ALKBH5: variants seen among roughly 807,000 people sequenced by gnomAD.
ALKBH5 encodes RNA demethylase ALKBH5.
Under a neutral mutation model 32.1 loss-of-function variants are expected in ALKBH5, and 2 were observed. The observed-to-expected ratio is 0.06, with a 90% confidence interval of 0.03 to 0.20. The LOEUF is 0.20. Ranked by LOEUF, ALKBH5 falls within the 10% of genes least tolerant of loss-of-function variation. The pLI is 1.00. For synonymous variants in ALKBH5, 300 were observed against 231.7 expected, an observed-to-expected ratio of 1.29 and a Z score of -2.68; for missense variants, 352 against 559.5, an observed-to-expected ratio of 0.63 and a Z score of 3.74.
At chr17:18,199,620 A>T (rs1440265864) in intron 2 of ALKBH5, among the ~76,000 whole-genome samples, 1 of 152,122 alleles carries the variant, frequency 6.6e-6, no homozygotes, top group Non-Finnish European at 1.5e-5. Context: ...TTGAGCAGGG[A>T]TTTCTGACTT....
intron 1 of ALKBH5, among the ~76,000 whole-genome samples, chr17:18,192,854 C>CTTTTTTTTTT (rs201150139): frequency 9.9e-4 from 114 of 115,568 alleles, no homozygotes; most frequent in Non-Finnish European, 1.2e-3. Flanking sequence ...CTGTCTTTTT[C>CTTTTTTTTTT]TTTTTTTTTT....
chr17:18,190,775 A>G lies in ALKBH5; in HGVS notation c.771-4180A>G, dbSNP rs543000787. Reference sequence around the variant, plus strand: ...GAAGACACAATTTCCACAAGGCCAGATGGAATAGCAAAGAGGCATGAGAGG... The same window carrying G: ...GAAGACACAATTTCCACAAGGCCAGGTGGAATAGCAAAGAGGCATGAGAGG... On this transcript the variant is annotated intron_variant, in intron 1 of 3. Coordinates refer to ENST00000399138, the MANE Select transcript of ALKBH5 (RefSeq NM_017758.4). Among the ~76,000 whole-genome samples the G allele has an allele frequency of 1.4e-4, 21 of 152,290 alleles. No individual in the cohort carries two copies. In the South Asian group the frequency reaches 4.4e-3, roughly 32 times the overall value.
intron 1 of ALKBH5, among the ~76,000 whole-genome samples, chr17:18,193,356 A>C (rs1333860911): frequency 6.6e-6 from 1 of 151,816 alleles, no homozygotes; most frequent in African/African-American, 2.4e-5. Context: ...GACCATCCTG[A>C]CCAACATAGT....
At chr17:18,193,590 G>A (rs1341660955) in intron 1 of ALKBH5, among the ~76,000 whole-genome samples, 1 of 151,962 alleles carries the variant, frequency 6.6e-6, no homozygotes, top group Non-Finnish European at 1.5e-5. Flanking sequence ...TCTATCCCCA[G>A]CATGAGCTCA....
At chr17:18,202,606 G>A (rs1280270030) in intron 2 of ALKBH5, among the ~76,000 whole-genome samples, 2 of 152,132 alleles carry the variant, frequency 1.3e-5, no homozygotes, top group Non-Finnish European at 2.9e-5. Flanking sequence ...TAAAGGTGGT[G>A]CCAGACGTTG....
intron 3 of ALKBH5, among the ~76,000 whole-genome samples, chr17:18,207,661 T>C (rs1257931656): frequency 3.8e-5 from 5 of 132,704 alleles, no homozygotes; most frequent in Admixed American, 2.9e-4. Context: ...AGAATCCGTC[T>C]CAAAAAAAAA....
At chr17:18,185,122 A>G in intron 1 of ALKBH5, 109 bp downstream of exon 1, 1 of 1,487,030 alleles carries the variant, frequency 6.7e-7, no homozygotes, top group Middle Eastern at 1.8e-4. Context: ...AGTTCTGACC[A>G]GTTCTTCTGT....
intron 2 of ALKBH5, among the ~76,000 whole-genome samples, chr17:18,196,846 A>AG (rs1160855623): frequency 6.6e-6 from 1 of 152,190 alleles, no homozygotes; most frequent in Non-Finnish European, 1.5e-5. Context: ...ATTCTTCTGC[A>AG]GGGGGGATTG....
At chr17:18,187,342 CAGATGGAGTT>C (rs1441044882) in intron 1 of ALKBH5, among the ~76,000 whole-genome samples, 1 of 152,016 alleles carries the variant, frequency 6.6e-6, no homozygotes, top group East Asian at 1.9e-4. Context: ...TGATGGGAGG[CAGATGGAGTT>C]CATTAGTAGA....
intron 2 of ALKBH5, among the ~76,000 whole-genome samples, chr17:18,201,028 G>A (rs537205062): frequency 6.6e-6 from 1 of 152,310 alleles, no homozygotes; most frequent in East Asian, 1.9e-4. Context: ...CGAGGAGTCA[G>A]GAGACCTTCC....
chr17:18,208,788 T>C lies in ALKBH5; in HGVS notation c.*392T>C. On this transcript the variant is annotated 3_prime_UTR_variant, in exon 4 of 4. Transcript: ENST00000399138. ...TTGCTTTCAGTGTAAATCTTCGCAG[T>C]GTTCTAAACAAAGTTCAGTCTTCTG... The C allele has an allele frequency of 3.0e-6, 1 of 332,144 alleles. No homozygotes were observed. The highest frequency in any genetic ancestry group is 5.8e-6 in the Non-Finnish European group (1 of 173,526). The allele number at this position is 332,144 out of a possible 1,614,324, so 20.6% of individuals were successfully genotyped here. A position where few individuals can be genotyped will look rare whatever the true frequency, so the allele number is the denominator to read the frequency against.
intron 1 of ALKBH5, among the ~76,000 whole-genome samples, chr17:18,191,949 T>TAAA (rs553466001): frequency 5.0e-5 from 7 of 140,772 alleles, no homozygotes; most frequent in African/African-American, 1.6e-4. Context: ...ACTCTGTCTT[T>TAAA]AAAAAAAAAA....
intron 1 of ALKBH5, among the ~76,000 whole-genome samples, chr17:18,192,463 A>G (rs1182027428): frequency 1.3e-5 from 2 of 152,236 alleles, no homozygotes; most frequent in African/African-American, 4.8e-5. Flanking sequence ...AAATCTTGTA[A>G]TATTAGTAGC....
At chr17:18,200,096 C>CA (rs1176852819) in intron 2 of ALKBH5, among the ~76,000 whole-genome samples, 551 of 107,818 alleles carry the variant, frequency 5.1e-3, no homozygotes, top group African/African-American at 7.6e-3. Flanking sequence ...GACTCCATCT[C>CA]AAAAAAAAAA....
chr17:18,185,930 C>T (rs2047136619), intron 1 of ALKBH5, among the ~76,000 whole-genome samples: 1 of 152,170 alleles, frequency 6.6e-6, no homozygotes, highest in Non-Finnish European at 1.5e-5. Context: ...TAGGTTTAGA[C>T]CGCAGCTGTT....
chr17:18,209,062 C>G lies in ALKBH5; in HGVS notation c.*666C>G, dbSNP rs962372485. 6.2e-6 allele frequency: 1 copy of G among 161,788 alleles called. No individual in the cohort carries two copies. The highest frequency in any genetic ancestry group is 1.4e-5 in the Non-Finnish European group (1 of 73,378). 10.0% of individuals were successfully genotyped at this position (161,788 alleles called of 1,614,324 possible). Reference sequence around the variant, plus strand: ...ACCCACGCCCACTAGCCTGCCATGTCCACAGTTCCTTGGGCTGCTGAGGGG... The same window carrying G: ...ACCCACGCCCACTAGCCTGCCATGTGCACAGTTCCTTGGGCTGCTGAGGGG... On this transcript the variant is annotated 3_prime_UTR_variant, in exon 4 of 4. Coordinates refer to ENST00000399138, the MANE Select transcript of ALKBH5 (RefSeq NM_017758.4).
At position 18,198,251 on chromosome 17, in the gene ALKBH5, T is replaced by C. The variant is rs201685899; in HGVS notation, c.851+3216T>C. Among the ~76,000 whole-genome samples the C allele has an allele frequency of 1.4e-4, 21 of 152,302 alleles. No homozygotes were observed. In the East Asian group the frequency reaches 4.0e-3, roughly 29 times the overall value. ...CCCCTGTTTGGACTGTCACAGCTCA[T>C]ACGCTTGCCATTGTGAATTTTCAAA... On this transcript the variant is annotated intron_variant, in intron 2 of 3. Transcript: ENST00000399138.
Position 18,184,011 on chromosome 17 carries a change from A to C in ALKBH5, c.-233A>C. 1.5e-6 allele frequency: 1 copy of C among 659,218 alleles called. No homozygotes were observed. The highest frequency in any genetic ancestry group is 2.8e-6 in the Non-Finnish European group (1 of 360,796). The allele number at this position is 659,218 out of a possible 1,614,324, so 40.8% of individuals were successfully genotyped here. On this transcript the variant is annotated 5_prime_UTR_variant, in exon 1 of 4. Coordinates refer to ENST00000399138, the MANE Select transcript of ALKBH5 (RefSeq NM_017758.4). ...GGCGCCCCTGCCCCGCGGGACGTGG[A>C]GAAGGTGGAGGAGGAAGAAGCCCCG...
intron 1 of ALKBH5, among the ~76,000 whole-genome samples, chr17:18,185,937 T>A (rs2047136694): frequency 6.6e-6 from 1 of 152,210 alleles, no homozygotes; most frequent in Non-Finnish European, 1.5e-5. Context: ...AGACCGCAGC[T>A]GTTCTCAGAG....
Sources: allele counts gnomAD v4.1 joint callset (sites outside exome capture counted in the v4.1 genomes callset), GRCh38; gene constraint gnomAD v4.1.1; transcripts MANE v1.5; gene names NCBI Gene and HGNC (gene_info 2026-07-23, HGNC 2026-07-21).